LCK: variants seen among roughly 807,000 people sequenced by gnomAD.
The protein encoded by LCK is tyrosine-protein kinase Lck.
LCK carries 14 observed loss-of-function variants against 64.6 expected under a neutral mutation model. That is an observed-to-expected ratio of 0.22 (90% confidence interval 0.14 to 0.34). The LOEUF is 0.34. Ranked by LOEUF, LCK falls within the 10% of genes least tolerant of loss-of-function variation. The probability of loss-of-function intolerance (pLI) is 1.00; values close to 1 mark genes in which losing one functional copy is unlikely to be tolerated. For synonymous variants in LCK, 277 were observed against 263.6 expected, an observed-to-expected ratio of 1.05 and a Z score of -0.49; for missense variants, 434 against 668.1, an observed-to-expected ratio of 0.65 and a Z score of 3.86.
intron 12 of LCK, 68 bp from the exon 13 acceptor site, chr1:32,285,446 C>T (rs910059090): frequency 4.7e-5 from 66 of 1,409,982 alleles, no homozygotes; most frequent in African/African-American, 9.9e-5. Context: ...TTAAATATTC[C>T]GAACATTACC....
chr1:32,279,375 A>T (rs1404702659), intron 9 of LCK, among the ~76,000 whole-genome samples: 1 of 152,072 alleles, frequency 6.6e-6, no homozygotes, highest in African/African-American at 2.4e-5. Context: ...GAAAGAGAAG[A>T]AGCTACCAGT....
In LCK at chr1:32,285,712, C is replaced by T. The variant is rs1411051486; in HGVS notation, c.1526C>T (p.Pro509Leu). The change falls in exon 13 of 13, where the codon CCT (proline) becomes CTT (leucine). Residue 509 changes from proline (P) to leucine (L), a missense_variant. Transcript: ENST00000336890. ...ACAGAGGGCCAGTACCAGCCTCAGC[C>T]TTGAGAGGCCTTGAGAGGCCCTGGG... is the stretch of plus-strand genomic sequence containing the variant. ...TATEGQYQPQ[P>L] The T allele has an allele frequency of 6.3e-7, 1 of 1,579,732 alleles. No homozygotes were observed. The highest frequency in any genetic ancestry group is 2.3e-5 in the East Asian group (1 of 43,002).
chr1:32,261,601 G>A (rs1468479759), intron 1 of LCK, among the ~76,000 whole-genome samples: 1 of 139,582 alleles, frequency 7.2e-6, no homozygotes, highest in Admixed American at 7.4e-5. Context: ...AGCCGAGATC[G>A]TGCCACTGCT....
chr1:32,285,489 T>C, intron 12 of LCK, 25 bp from the exon 13 acceptor site: 2 of 1,610,020 alleles, frequency 1.2e-6, no homozygotes, highest in Non-Finnish European at 8.5e-7. Flanking sequence ...CTGACCTTGA[T>C]GTCCTTTCAC....
intron 12 of LCK, among the ~76,000 whole-genome samples, chr1:32,284,370 AT>A (rs897873489): frequency 6.8e-6 from 1 of 146,720 alleles, no homozygotes; most frequent in African/African-American, 2.5e-5. Flanking sequence ...TTTATTTTTA[AT>A]TTTTTTGAGA....
intron 1 of LCK, among the ~76,000 whole-genome samples, chr1:32,273,638 G>T (rs1640171360): frequency 1.3e-5 from 2 of 152,006 alleles, no homozygotes; most frequent in South Asian, 4.1e-4. Flanking sequence ...TTTATCTATG[G>T]AGTTCTGCTT....
chr1:32,264,258 T>C (rs77608834), intron 1 of LCK, among the ~76,000 whole-genome samples: 2,397 of 152,236 alleles, frequency 0.016, 63 homozygotes, highest in African/African-American at 0.054. Context: ...AAATGGACCC[T>C]ACCCTGTCAG....
At chr1:32,266,660 CTCATCCCTCTCCT>C in intron 1 of LCK, among the ~76,000 whole-genome samples, 1 of 111,010 alleles carries the variant, frequency 9.0e-6, no homozygotes, top group Non-Finnish European at 1.9e-5. Flanking sequence ...CCTCCCCCTC[CTCATCCCTCTCCT>C]CCCCCTCCCC....
intron 1 of LCK, among the ~76,000 whole-genome samples, chr1:32,272,162 T>TA (rs1640094023): frequency 2.6e-5 from 4 of 151,452 alleles, no homozygotes. Context: ...TGCATGCCTG[T>TA]AATCCCAACT....
In LCK at chr1:32,276,485, G is replaced by A. The variant is rs1186207791; in HGVS notation, c.780G>A (p.Trp260Ter). 1 of 1,608,598 alleles carries A rather than the reference G, an allele frequency of 6.2e-7. No homozygotes were observed. Among genetic ancestry groups the A allele is most frequent in the Admixed American group, 1.7e-5 (1 of 59,416 alleles). ...RLGAGQFGEV[W>*]MGYYNGHTKV... is the part of the protein sequence containing the mutation. Reference sequence around the variant, plus strand: ...GGGCTGGACAGTTCGGGGAGGTGTGGATGGGTGAGTGTGGCCTCCAGGACT... The same window carrying A: ...GGGCTGGACAGTTCGGGGAGGTGTGAATGGGTGAGTGTGGCCTCCAGGACT... Residue 260 changes from tryptophan to a stop codon, truncating the protein, a stop_gained, in exon 8 of 13, where the codon TGG becomes TGA. Transcript: ENST00000336890. LOFTEE classifies it high-confidence loss of function. This position sits in a 1 kb window ranked among gnomAD's most constrained non-coding sequence, Gnocchi z 4.6.
At chr1:32,264,472 C>T (rs1193742076) in intron 1 of LCK, among the ~76,000 whole-genome samples, 2 of 151,304 alleles carry the variant, frequency 1.3e-5, no homozygotes, top group Admixed American at 6.6e-5. Context: ...GCCTGGGCAA[C>T]GTAGTGAGAC....
Position 32,258,985 on chromosome 1 carries a change from C to T in LCK, c.-6+7614C>T, listed in dbSNP as rs373030356. Among the ~76,000 whole-genome samples the T allele has an allele frequency of 4.0e-5, 6 of 151,202 alleles. No individual in the cohort carries two copies. In the East Asian group the frequency reaches 7.8e-4, roughly 20 times the overall value. On this transcript the variant is annotated intron_variant, in intron 1 of 12. Coordinates refer to ENST00000336890, the MANE Select transcript of LCK (RefSeq NM_005356.5). ...GCTGCAGTGAGCCATGATTGTGTCA[C>T]TGCACTCCAGTCTGGGCCACAGAGT...
intron 1 of LCK, among the ~76,000 whole-genome samples, chr1:32,256,635 T>G (rs1228817115): frequency 1.3e-5 from 2 of 152,044 alleles, no homozygotes; most frequent in African/African-American, 4.8e-5. Context: ...ATCTCACTAT[T>G]TTGCCCAAGC....
rs1156541922 is a variant in LCK, at chr1:32,276,717, C to A, written c.895C>A (p.Arg299=). 6.2e-7 allele frequency: 1 copy of A among 1,614,054 alleles called. No individual in the cohort carries two copies. Reference sequence around the variant, plus strand: ...CCTCATGAAGCAGCTGCAACACCAGCGGCTGGTTCGGCTCTACGCTGTGGT... The same window carrying A: ...CCTCATGAAGCAGCTGCAACACCAGAGGCTGGTTCGGCTCTACGCTGTGGT... The part of the protein sequence containing the change: ...ANLMKQLQHQ[R]LVRLYAVVTQ... Residue 299 remains arginine (R), a synonymous_variant, in exon 9 of 13, where the codon CGG becomes AGG. Transcript: ENST00000336890. This position sits in a 1 kb window ranked among gnomAD's most constrained non-coding sequence, Gnocchi z 4.6.
At chr1:32,280,456 T>TC in intron 12 of LCK, among the ~76,000 whole-genome samples, 1 of 125,654 alleles carries the variant, frequency 8.0e-6, no homozygotes, top group Non-Finnish European at 1.7e-5. Context: ...TTTTTTTTTT[T>TC]TTTTTTTTTT....
Position 32,251,902 on chromosome 1 carries a change from GA to G in LCK, c.-6+532del, listed in dbSNP as rs1639515462. On this transcript the variant is annotated intron_variant, in intron 1 of 12. Coordinates refer to ENST00000336890, the MANE Select transcript of LCK (RefSeq NM_005356.5). The surrounding 1 kb of genome is among the most constrained non-coding windows in gnomAD (Gnocchi z 4.0). ...ACAAGAATCTCCTGAGAAAGAGAGAGAGAGAGAGAGAGAGAGAGAGAGAGAG... is the reference window on the plus strand; with the variant it reads ...ACAAGAATCTCCTGAGAAAGAGAGAGGAGAGAGAGAGAGAGAGAGAGAGAG... Among the ~76,000 whole-genome samples the G allele has an allele frequency of 7.6e-6, 1 of 132,250 alleles. No homozygotes were observed. Among genetic ancestry groups the G allele is most frequent in the East Asian group, 2.0e-4 (1 of 4,958 alleles). 86.8% of individuals were successfully genotyped at this position (132,250 alleles called of 152,430 possible).
At chr1:32,285,476 T>C (rs761897128) in intron 12 of LCK, 38 bp from the exon 13 acceptor site, 3 of 1,588,462 alleles carry the variant, frequency 1.9e-6, no homozygotes, top group South Asian at 2.2e-5. Flanking sequence ...GGGCTTCCAG[T>C]GCCTGACCTT....
At position 32,277,422 on chromosome 1, in the gene LCK, T is replaced by C. The variant is rs561278376; in HGVS notation, c.964+636T>C. Among the ~76,000 whole-genome samples, 239 of 152,128 alleles carry C rather than the reference T, an allele frequency of 1.6e-3. 3 individuals carry two copies. The highest frequency in any genetic ancestry group is 5.7e-3 in the African/African-American group (235 of 41,488). On this transcript the variant is annotated intron_variant, in intron 9 of 12. Transcript: ENST00000336890. ...TGATCTCAGAAAGCAAGTGGGTCCC[T>C]AGCCCTGTTTCTCTCCCTTCTGCCC...
intron 1 of LCK, among the ~76,000 whole-genome samples, chr1:32,263,347 T>G (rs998523835): frequency 6.6e-6 from 1 of 151,866 alleles, no homozygotes; most frequent in Non-Finnish European, 1.5e-5. Context: ...CAGCTGCGAT[T>G]GTGCCACTGC....
Sources: allele counts gnomAD v4.1 joint callset (sites outside exome capture counted in the v4.1 genomes callset), GRCh38; gene constraint gnomAD v4.1.1; non-coding constraint Gnocchi (gnomAD v3.1); transcripts MANE v1.5; gene names NCBI Gene and HGNC (gene_info 2026-07-23, HGNC 2026-07-21).